Variants in EMB observed in about 807,000 individuals in gnomAD.
EMB encodes the protein embigin.
A neutral mutation model predicts 41.4 loss-of-function variants in EMB; 31 were observed. The observed-to-expected ratio is 0.75, with a 90% CI of 0.56 to 1.01. The LOEUF is 1.01. Ranked by LOEUF, EMB falls within the 50% of genes least tolerant of loss-of-function variation. The pLI, the probability that EMB is intolerant of heterozygous loss-of-function variation, is 0.00. For missense variants in EMB, 379 were observed against 388.3 expected, an observed-to-expected ratio of 0.98 and a Z score of 0.20; for synonymous variants, 137 against 140.4, an observed-to-expected ratio of 0.98 and a Z score of 0.17.
intron 1 of EMB, among the ~76,000 whole-genome samples, chr5:50,438,068 T>C (rs1481099905): frequency 3.9e-5 from 6 of 152,310 alleles, no homozygotes; most frequent in African/African-American, 1.2e-4. Flanking sequence ...GCATAGGCTA[T>C]GCTGTCAGTA....
chr5:50,404,350 T>C (rs1254562522), intron 5 of EMB, among the ~76,000 whole-genome samples: 1 of 151,908 alleles, frequency 6.6e-6, no homozygotes, highest in Non-Finnish European at 1.5e-5. Context: ...TACAGATTGG[T>C]CAGAGCTAAT....
In EMB at chr5:50,436,734, A is replaced by T. The variant is rs540625862; in HGVS notation, c.112+4306T>A. On this transcript the variant is annotated intron_variant, in intron 1 of 8. Transcript: ENST00000303221. ...CCATCCTTACCAGGGTCAGCCTCAGATATCCTGATCTGGTCCCCTTGGGCT... is the reference window on the plus strand; with the variant it reads ...CCATCCTTACCAGGGTCAGCCTCAGTTATCCTGATCTGGTCCCCTTGGGCT... Among the ~76,000 whole-genome samples the T allele has an allele frequency of 2.0e-5, 3 of 152,254 alleles. No homozygotes were observed. The East Asian group carries it at 5.8e-4, about 29-fold the overall frequency.
intron 2 of EMB, among the ~76,000 whole-genome samples, chr5:50,414,960 T>C (rs1219566033): frequency 6.6e-6 from 1 of 152,186 alleles, no homozygotes; most frequent in Admixed American, 6.6e-5. Context: ...AACTATTAAC[T>C]CTAATGCTCT....
At chr5:50,414,955 T>G (rs373716642) in intron 2 of EMB, among the ~76,000 whole-genome samples, 7 of 152,194 alleles carry the variant, frequency 4.6e-5, no homozygotes, top group African/African-American at 1.7e-4. Context: ...GATTCAACTA[T>G]TAACTCTAAT....
Position 50,399,851 on chromosome 5 carries a change from T to G in EMB, c.966+8A>C. 6.3e-7 allele frequency: 1 copy of G among 1,593,832 alleles called. No individual in the cohort carries two copies. Among genetic ancestry groups the G allele is most frequent in the Non-Finnish European group, 8.6e-7 (1 of 1,165,506 alleles). ...TTTTATTTGGAATATCATTCAGAAG[T>G]AACTTACATTTTTTCTATGCCTGGG... On this transcript the variant is annotated splice_region_variant and intron_variant, in intron 8 of 8. Coordinates refer to ENST00000303221, the MANE Select transcript of EMB (RefSeq NM_198449.3).
intron 2 of EMB, among the ~76,000 whole-genome samples, chr5:50,414,399 T>C (rs1426990150): frequency 1.3e-5 from 2 of 151,612 alleles, no homozygotes; most frequent in Admixed American, 6.6e-5. Context: ...TGGTAGTGCA[T>C]GCCTGTGGTC....
intron 1 of EMB, among the ~76,000 whole-genome samples, chr5:50,435,068 T>C (rs1579745410): frequency 6.6e-6 from 1 of 152,204 alleles, no homozygotes; most frequent in African/African-American, 2.4e-5. Context: ...TTAACAGATT[T>C]CTCAACTACT....
intron 6 of EMB, among the ~76,000 whole-genome samples, chr5:50,402,683 A>G (rs1004443456): frequency 6.6e-6 from 1 of 151,900 alleles, no homozygotes; most frequent in African/African-American, 2.4e-5. Context: ...AGGCCGCAAA[A>G]ATAGGACATG....
Position 50,397,561 on chromosome 5 carries a change from A to G in EMB, c.*1712T>C, listed in dbSNP as rs1398219423. ...GTTCTATATTCCAAGTCACAAATAC[A>G]CTGCTTTGAATTGTATTTAGTCAAA... On this transcript the variant is annotated 3_prime_UTR_variant, in exon 9 of 9. Coordinates refer to ENST00000303221, the MANE Select transcript of EMB (RefSeq NM_198449.3). 6.6e-6 allele frequency: 1 copy of G among 152,104 alleles called. No individual in the cohort carries two copies. The highest frequency in any genetic ancestry group is 2.4e-5 in the African/African-American group (1 of 41,440). The allele number at this position is 152,104 out of a possible 1,614,324, so 9.4% of individuals were successfully genotyped here.
At chr5:50,407,229 C>T (rs1270771108) in intron 4 of EMB, among the ~76,000 whole-genome samples, 1 of 151,844 alleles carries the variant, frequency 6.6e-6, no homozygotes, top group African/African-American at 2.4e-5. Context: ...CAAAATTTAC[C>T]CACAGGCTAA....
rs770309164 is a variant in EMB at position 50,398,055 on chromosome 5, C to T, written c.*1218G>A. The T allele has an allele frequency of 6.6e-6, 1 of 151,640 alleles. No homozygotes were observed. 9.4% of individuals were successfully genotyped at this position (151,640 alleles called of 1,614,324 possible). Reference sequence around the variant, plus strand: ...CTCCCCAACCTTTAAATTCCCTAGTCGCCAAGAATCTTGGGTTCCACACCA... The same window carrying T: ...CTCCCCAACCTTTAAATTCCCTAGTTGCCAAGAATCTTGGGTTCCACACCA... On this transcript the variant is annotated 3_prime_UTR_variant, in exon 9 of 9. Coordinates refer to ENST00000303221, the MANE Select transcript of EMB (RefSeq NM_198449.3).
intron 1 of EMB, among the ~76,000 whole-genome samples, chr5:50,440,571 C>T (rs1464956887): frequency 6.7e-6 from 1 of 148,732 alleles, no homozygotes; most frequent in Non-Finnish European, 1.5e-5. Context: ...ATCCTCAAAG[C>T]CAACCCACCT....
chr5:50,440,560 A>T (rs1745886211), intron 1 of EMB, among the ~76,000 whole-genome samples: 1 of 127,920 alleles, frequency 7.8e-6, no homozygotes, highest in Non-Finnish European at 1.6e-5. Flanking sequence ...AAAAAAAAAA[A>T]ATCCTCAAAG....
At chr5:50,409,946 A>T (rs1446739750) in intron 4 of EMB, among the ~76,000 whole-genome samples, 1 of 152,052 alleles carries the variant, frequency 6.6e-6, no homozygotes, top group Admixed American at 6.6e-5. Flanking sequence ...AAATAAAATG[A>T]CTCTGTGAGT....
chr5:50,436,866 G>A (rs1392659404), intron 1 of EMB, among the ~76,000 whole-genome samples: 3 of 152,346 alleles, frequency 2.0e-5, no homozygotes, highest in Admixed American at 2.0e-4. Context: ...GGTGACAGAA[G>A]ATGAGGAAGA....
intron 2 of EMB, among the ~76,000 whole-genome samples, chr5:50,419,536 T>TACACACACACACAC (rs371940991): frequency 0.018 from 2,516 of 142,676 alleles, 39 homozygotes; most frequent in Admixed American, 0.033. Context: ...CCCCACTACA[T>TACACACACACACAC]ACACACACAC....
intron 2 of EMB, among the ~76,000 whole-genome samples, chr5:50,417,509 T>G (rs761540926): frequency 2.0e-5 from 3 of 152,228 alleles, no homozygotes; most frequent in Non-Finnish European, 4.4e-5. Context: ...ATCTGATTAG[T>G]GCCACACCAA....
chr5:50,438,688 A>T (rs1441453580), intron 1 of EMB, among the ~76,000 whole-genome samples: 1 of 152,124 alleles, frequency 6.6e-6, no homozygotes, highest in Non-Finnish European at 1.5e-5. Flanking sequence ...TCAATACCGA[A>T]TCTAGAAAAC....
chr5:50,402,464 C>T (rs1745179786), intron 6 of EMB, 145 bp from the exon 7 acceptor site: 1 of 711,000 alleles, frequency 1.4e-6, no homozygotes, highest in Non-Finnish European at 2.5e-6. Flanking sequence ...CTACCTTAAA[C>T]ACCTACACCT....
Sources: gnomAD v4.1 joint callset for allele counts (sites outside exome capture counted in the v4.1 genomes callset) on GRCh38, gnomAD v4.1.1 for gene constraint, MANE v1.5 for transcripts, NCBI Gene and HGNC (gene_info 2026-07-23, HGNC 2026-07-21) for gene names.